AFAP1: variants seen among roughly 807,000 people sequenced by gnomAD.
The protein encoded by AFAP1 is actin filament associated protein 1.
Under a neutral mutation model 93.9 loss-of-function variants are expected in AFAP1, and 75 were observed. The ratio of observed to expected loss-of-function variants is 0.80; its 90% CI spans 0.66 to 0.97. The LOEUF (loss-of-function observed/expected upper bound fraction) is 0.97, where lower values mean the gene tolerates loss of function less well. Among genes scored for constraint, AFAP1 ranks in the 50% least tolerant of loss-of-function variants. The pLI is 0.00. For synonymous variants in AFAP1, 517 were observed against 430.7 expected, an observed-to-expected ratio of 1.20 and a Z score of -2.48; for missense variants, 1,201 against 1,050.8, an observed-to-expected ratio of 1.14 and a Z score of -1.98.
At chr4:7,817,264 T>C (rs1401000011) in intron 7 of AFAP1, among the ~76,000 whole-genome samples, 1 of 152,100 alleles carries the variant, frequency 6.6e-6, no homozygotes, top group African/African-American at 2.4e-5. Flanking sequence ...TCAGCAAAAA[T>C]TATGCAAAAG....
At chr4:7,792,029 T>A (rs56919012) in intron 11 of AFAP1, among the ~76,000 whole-genome samples, 13,515 of 152,244 alleles carry the variant, frequency 0.089, 696 homozygotes, top group Non-Finnish European at 0.12. Flanking sequence ...GGCTGGATTC[T>A]CACACCTGCT....
intron 1 of AFAP1, among the ~76,000 whole-genome samples, chr4:7,913,436 G>A (rs115928804): frequency 6.6e-6 from 1 of 151,408 alleles, no homozygotes; most frequent in Non-Finnish European, 1.5e-5. Flanking sequence ...TATTAAAGAT[G>A]GGTATTGTCT....
intron 1 of AFAP1, among the ~76,000 whole-genome samples, chr4:7,932,883 G>T (rs1721158067): frequency 6.6e-6 from 1 of 152,044 alleles, no homozygotes; most frequent in Non-Finnish European, 1.5e-5. Context: ...AGCCAGGCTT[G>T]GTGGCACGTG....
intron 4 of AFAP1, among the ~76,000 whole-genome samples, chr4:7,848,860 G>C (rs1216495398): frequency 6.6e-6 from 1 of 152,106 alleles, no homozygotes; most frequent in Non-Finnish European, 1.5e-5. Flanking sequence ...TGAAATTAAG[G>C]AACACTCCAG....
chr4:7,884,089 GTTGT>G (rs1418139315), intron 1 of AFAP1, among the ~76,000 whole-genome samples: 4 of 152,068 alleles, frequency 2.6e-5, no homozygotes, highest in African/African-American at 4.8e-5. Flanking sequence ...AGGAAAAGTG[GTTGT>G]TTAAGTGTGG....
chr4:7,917,895 C>T (rs1720176112), intron 1 of AFAP1, among the ~76,000 whole-genome samples: 1 of 152,194 alleles, frequency 6.6e-6, no homozygotes, highest in Admixed American at 6.5e-5. Flanking sequence ...CAACACTCAG[C>T]ACCGCAAAGA....
At chr4:7,794,884 A>G (rs941442427) in intron 10 of AFAP1, among the ~76,000 whole-genome samples, 1 of 152,300 alleles carries the variant, frequency 6.6e-6, no homozygotes, top group East Asian at 1.9e-4. Context: ...GGTATTTGAA[A>G]TCTTTAAAAA....
intron 1 of AFAP1, among the ~76,000 whole-genome samples, chr4:7,929,738 A>G (rs1720959888): frequency 6.6e-6 from 1 of 152,188 alleles, no homozygotes; most frequent in East Asian, 1.9e-4. Flanking sequence ...TTCACCACAC[A>G]GAGGCGGCAC....
intron 16 of AFAP1, among the ~76,000 whole-genome samples, chr4:7,771,026 C>T (rs35889107): frequency 0.2 from 30,432 of 152,260 alleles, 3,966 homozygotes; most frequent in Non-Finnish European, 0.3. Context: ...AAGGCACCTC[C>T]TAGCCCTTGG....
In AFAP1 at chr4:7,838,595, T is replaced by A; in HGVS notation, c.655A>T (p.Ile219Phe). ...AGCGGGTCCGTGCCCTGCTGAGTAATCTTCAGCTCGTGCTTCTTCTTTTTG... is the reference window on the plus strand; with the variant it reads ...AGCGGGTCCGTGCCCTGCTGAGTAAACTTCAGCTCGTGCTTCTTCTTTTTG... Reference protein sequence around the residue: ...DSKKKKHELKITQQGTDPLVL... With the variant: ...DSKKKKHELKFTQQGTDPLVL... The change falls in exon 6 of 18, where the codon ATT (isoleucine) becomes TTT (phenylalanine). Residue 219 changes from isoleucine (I) to phenylalanine (F), a missense_variant. Ile to Phe is a conservative substitution (Grantham distance 21). Transcript: ENST00000420658. The A allele has an allele frequency of 6.2e-7, 1 of 1,614,192 alleles. No homozygotes were observed. The highest frequency in any genetic ancestry group is 1.1e-5 in the South Asian group (1 of 91,080).
rs869214535 is a variant in AFAP1 at position 7,874,356 on chromosome 4, C to CTTTTTTTTT, written c.-2-2285_-2-2277dup. 1.2e-3 allele frequency among the ~76,000 whole-genome samples: 109 copies of CTTTTTTTTT among 92,402 alleles called. 6 individuals carry two copies. The highest frequency in any genetic ancestry group is 3.6e-3 in the African/African-American group (77 of 21,228). The allele number at this position is 92,402 out of a possible 152,430, so 60.6% of individuals were successfully genotyped here. On this transcript the variant is annotated intron_variant, in intron 1 of 17. Coordinates refer to ENST00000420658, the MANE Select transcript of AFAP1 (RefSeq NM_001134647.2). ...CTGTGGGAGGTCAGATTGCCTTTTT[C>CTTTTTTTTT]TTTTTTTTTTTTTTTTTTTTTTTTT...
chr4:7,795,518 C>T (rs566818623), intron 10 of AFAP1, among the ~76,000 whole-genome samples: 122 of 142,774 alleles, frequency 8.5e-4, no homozygotes, highest in African/African-American at 2.7e-3. Flanking sequence ...CTCTGCCTCC[C>T]GGATCACGCC....
rs920165184 is a variant in AFAP1 at position 7,759,218 on chromosome 4, C to G, written c.*4547G>C. The G allele has an allele frequency of 2.0e-5, 3 of 152,626 alleles. No homozygotes were observed. The highest frequency in any genetic ancestry group is 7.2e-5 in the African/African-American group (3 of 41,434). 9.5% of individuals were successfully genotyped at this position (152,626 alleles called of 1,614,324 possible). Reference sequence around the variant, plus strand: ...TTATCTCATTAAAAACACCTTTGGTCCTAAGACTTATGATCTGAAGATGTC... The same window carrying G: ...TTATCTCATTAAAAACACCTTTGGTGCTAAGACTTATGATCTGAAGATGTC... On this transcript the variant is annotated 3_prime_UTR_variant, in exon 18 of 18. Coordinates refer to ENST00000420658, the MANE Select transcript of AFAP1 (RefSeq NM_001134647.2).
At position 7,920,307 on chromosome 4, in the gene AFAP1, T is replaced by A. The variant is rs901192754; in HGVS notation, c.-3+19349A>T. ...GAATTGAATGGTGTTAATTCCTAGA[T>A]CATAAATATATTTATATACACACAC... On this transcript the variant is annotated intron_variant, in intron 1 of 17. Transcript: ENST00000420658. Among the ~76,000 whole-genome samples, 6 of 152,226 alleles carry A rather than the reference T, an allele frequency of 3.9e-5. No homozygotes were observed. The East Asian group carries it at 1.2e-3, about 29-fold the overall frequency.
chr4:7,818,366 C>T (rs190724276), intron 7 of AFAP1, among the ~76,000 whole-genome samples: 211 of 152,224 alleles, frequency 1.4e-3, no homozygotes, highest in Admixed American at 2.4e-3. Flanking sequence ...TAATTCTGTT[C>T]CTCTGGAGAA....
Position 7,778,843 on chromosome 4 carries a change from C to G in AFAP1, c.1816G>C (p.Gly606Arg), listed in dbSNP as rs1716435882. ...AGAGTCTTCCCTTTTCCTGTGACCC[C>G]ATTAGACGCCACGGGGGGCTTTTTA... ...KGKKPPVASN[G>R]VTGKGKTLSS... Residue 606 changes from glycine to arginine, a missense_variant, in exon 14 of 18, where the codon GGG becomes CGG. Transcript: ENST00000420658. 1 of 1,614,140 alleles carries G rather than the reference C, an allele frequency of 6.2e-7. No homozygotes were observed. The highest frequency in any genetic ancestry group is 8.5e-7 in the Non-Finnish European group (1 of 1,180,018).
chr4:7,878,754 T>C (rs1425354569), intron 1 of AFAP1, among the ~76,000 whole-genome samples: 2 of 152,210 alleles, frequency 1.3e-5, no homozygotes, highest in Non-Finnish European at 2.9e-5. Context: ...TTTTTACAAG[T>C]GGAGAAACTG....
At chr4:7,768,739 G>A in intron 17 of AFAP1, 105 bp downstream of exon 17, 1 of 1,345,228 alleles carries the variant, frequency 7.4e-7, no homozygotes, top group Admixed American at 3.0e-5. Context: ...AGTGCCAAGT[G>A]GATGCAGTAG....
intron 1 of AFAP1, among the ~76,000 whole-genome samples, chr4:7,912,909 A>G (rs73073960): frequency 0.027 from 4,096 of 152,182 alleles, 85 homozygotes; most frequent in South Asian, 0.071. Flanking sequence ...ATGCAATGAC[A>G]AGATCATAGC....
Sources: gnomAD v4.1 joint callset for allele counts (sites outside exome capture counted in the v4.1 genomes callset) on GRCh38, gnomAD v4.1.1 for gene constraint, MANE v1.5 for transcripts, NCBI Gene and HGNC (gene_info 2026-07-23, HGNC 2026-07-21) for gene names.